Variants in MYO6 observed in about 807,000 individuals in gnomAD.
MYO6 encodes unconventional myosin-VI.
A neutral mutation model predicts 178.7 loss-of-function variants in MYO6; 74 were observed. The observed-to-expected ratio is 0.41, with a 90% CI of 0.34 to 0.50. The LOEUF (loss-of-function observed/expected upper bound fraction) is 0.50. Ranked by LOEUF, MYO6 falls within the 20% of genes least tolerant of loss-of-function variation. MYO6 has a pLI of 0.09. For synonymous variants in MYO6, 477 were observed against 504.6 expected (o/e 0.95, Z 0.73); for missense variants, 1,330 against 1,547.4 (o/e 0.86, Z 2.36).
At chr6:75,819,974 G>T (rs1335837988) in intron 2 of MYO6, among the ~76,000 whole-genome samples, 5 of 152,108 alleles carry the variant, frequency 3.3e-5, no homozygotes, top group Non-Finnish European at 5.9e-5. Context: ...AAGCCAGCAG[G>T]TCAAGGCTGC....
At chr6:75,837,985 C>T (rs1360455321) in intron 7 of MYO6, among the ~76,000 whole-genome samples, 1 of 151,838 alleles carries the variant, frequency 6.6e-6, no homozygotes, top group East Asian at 1.9e-4. Flanking sequence ...CAGTAATGTG[C>T]TGTACAGTAT....
intron 1 of MYO6, among the ~76,000 whole-genome samples, chr6:75,795,851 T>C (rs535468720): frequency 7.9e-5 from 12 of 152,346 alleles, no homozygotes; most frequent in African/African-American, 2.9e-4. Flanking sequence ...GGTATTTACA[T>C]TCCAACAGAT....
At chr6:75,817,399 G>T in intron 1 of MYO6, 102 bp from the exon 2 acceptor site, 1 of 700,312 alleles carries the variant, frequency 1.4e-6, no homozygotes, top group Non-Finnish European at 2.6e-6. Flanking sequence ...AGATGTGTTT[G>T]TTAGTTGGGA....
chr6:75,873,145 A>G (rs1025140797), intron 19 of MYO6, 62 bp from the exon 20 acceptor site: 2 of 1,286,838 alleles, frequency 1.6e-6, no homozygotes, highest in African/African-American at 2.9e-5. Context: ...GCAGGTATTC[A>G]TAGAAACAGA....
At chr6:75,894,745 C>A in intron 28 of MYO6, 2 of 1,033,064 alleles carry the variant, frequency 1.9e-6, no homozygotes, top group Non-Finnish European at 2.8e-6. Context: ...GGGTTCTATG[C>A]TGTGTTAAAA....
chr6:75,909,566 G>A (rs1484474660), intron 32 of MYO6, among the ~76,000 whole-genome samples: 1 of 152,168 alleles, frequency 6.6e-6, no homozygotes, highest in Non-Finnish European at 1.5e-5. Context: ...GGAAAGTAGA[G>A]TAGAAGAGAT....
chr6:75,859,578 G>GC (rs1776016822), intron 14 of MYO6, among the ~76,000 whole-genome samples: 1 of 151,820 alleles, frequency 6.6e-6, no homozygotes, highest in African/African-American at 2.4e-5. Context: ...GGGCTTACAG[G>GC]CGTGAGCCAC....
chr6:75,896,379 G>A (rs576516992), intron 29 of MYO6, among the ~76,000 whole-genome samples: 15 of 152,302 alleles, frequency 9.8e-5, no homozygotes, highest in Admixed American at 8.5e-4. Flanking sequence ...TTTTGCTTAC[G>A]TATAGAATCA....
At chr6:75,908,846 A>G (rs1026808466) in intron 32 of MYO6, among the ~76,000 whole-genome samples, 1 of 152,106 alleles carries the variant, frequency 6.6e-6, no homozygotes, top group Non-Finnish European at 1.5e-5. Context: ...TGAATTTACT[A>G]TAATTGAGAC....
intron 28 of MYO6, among the ~76,000 whole-genome samples, chr6:75,893,939 A>G (rs1206827709): frequency 2.0e-5 from 3 of 152,212 alleles, no homozygotes; most frequent in Non-Finnish European, 1.5e-5. Flanking sequence ...GTGTTGCATC[A>G]GAATGATTGG....
intron 25 of MYO6, among the ~76,000 whole-genome samples, chr6:75,888,282 AAAATAAATAAATAAATGATAAAAGTAAT>A (rs1257487122): frequency 2.0e-5 from 3 of 151,902 alleles, no homozygotes; most frequent in African/African-American, 7.3e-5. Context: ...ACTACGTCTA[AAAATAAATAAATAAATGATAAAAGTAAT>A]ATAATACTAT....
intron 16 of MYO6, among the ~76,000 whole-genome samples, chr6:75,863,030 C>T (rs542987103): frequency 6.6e-6 from 1 of 152,178 alleles, no homozygotes; most frequent in Admixed American, 6.5e-5. Flanking sequence ...GTCGAGGCTA[C>T]AGTGAGTTGT....
chr6:75,823,403 A>AT (rs1399621595), intron 3 of MYO6, among the ~76,000 whole-genome samples: 1 of 152,216 alleles, frequency 6.6e-6, no homozygotes, highest in Non-Finnish European at 1.5e-5. Context: ...TTATTCTTAC[A>AT]TTTTTAAGAT....
intron 1 of MYO6, among the ~76,000 whole-genome samples, chr6:75,798,065 G>T (rs1004993954): frequency 6.6e-6 from 1 of 152,168 alleles, no homozygotes; most frequent in African/African-American, 2.4e-5. Flanking sequence ...CAAGGCCAGT[G>T]TCAAGAAAGG....
chr6:75,892,690 G>A lies in MYO6; in HGVS notation c.3107G>A (p.Arg1036Lys). Residue 1036 changes from arginine to lysine, a missense_variant and splice_region_variant, in exon 28 of 35, where the codon AGA (arginine) becomes AAA (lysine). Arg to Lys is a conservative substitution (Grantham distance 26). Coordinates refer to ENST00000369977, the MANE Select transcript of MYO6 (RefSeq NM_004999.4). The part of the protein sequence containing the change: ...DEAQADLALR[R>K]NDGTRPKMTP... ...GCCCAGGCCGACCTGGCGCTGCGGA[G>A]GTACTGGGGCCCCTGGGTGGGGTAT... 6.2e-7 allele frequency: 1 copy of A among 1,612,204 alleles called. No individual in the cohort carries two copies. The highest frequency in any genetic ancestry group is 8.5e-7 in the Non-Finnish European group (1 of 1,179,962).
At chr6:75,912,190 G>A (rs752458065) in intron 33 of MYO6, among the ~76,000 whole-genome samples, 56 of 152,080 alleles carry the variant, frequency 3.7e-4, no homozygotes, top group African/African-American at 1.3e-3. Flanking sequence ...ATTCTGTTAC[G>A]TTTATAGCCT....
intron 13 of MYO6, 76 bp from the exon 14 acceptor site, chr6:75,858,826 A>G (rs1165054062): frequency 1.2e-6 from 1 of 857,720 alleles, no homozygotes; most frequent in Admixed American, 2.1e-5. Flanking sequence ...CATTATTACA[A>G]TTACATTTTA....
chr6:75,871,374 C>T lies in MYO6; in HGVS notation c.1983+689C>T, dbSNP rs140646439. On this transcript the variant is annotated intron_variant, in intron 19 of 34. Transcript: ENST00000369977. ...AAGTGGTCCTCCCACCTCAGCCTCC[C>T]AACTAGCTGAGACTACAGGCATGTA... Among the ~76,000 whole-genome samples, 37 of 152,230 alleles carry T rather than the reference C, an allele frequency of 2.4e-4. No homozygotes were observed. In the East Asian group the frequency reaches 4.4e-3, roughly 18 times the overall value.
intron 11 of MYO6, among the ~76,000 whole-genome samples, chr6:75,850,783 C>T (rs962220295): frequency 8.6e-5 from 13 of 151,726 alleles, no homozygotes; most frequent in African/African-American, 2.7e-4. Flanking sequence ...GAGGAATACG[C>T]GAGTTAAATA....
Sources: allele counts gnomAD v4.1 joint callset (sites outside exome capture counted in the v4.1 genomes callset), GRCh38; gene constraint gnomAD v4.1.1; transcripts MANE v1.5; gene names NCBI Gene and HGNC (gene_info 2026-07-23, HGNC 2026-07-21).